HTT: variants seen among roughly 807,000 people sequenced by gnomAD.
HTT encodes huntington disease protein.
HTT carries 104 observed loss-of-function variants against 362.3 expected under a neutral mutation model. The observed-to-expected ratio is 0.29, with a 90% CI of 0.24 to 0.34. HTT has a LOEUF of 0.34. Ranked by LOEUF, HTT falls within the 10% of genes least tolerant of loss-of-function variation. The pLI is 1.00. For synonymous variants in HTT, 1,577 were observed against 1,548.7 expected, an observed-to-expected ratio of 1.02 and a Z score of -0.43; for missense variants, 3,301 against 3,928.6, an observed-to-expected ratio of 0.84 and a Z score of 4.27.
chr4:3,217,946 C>G lies in HTT; in HGVS notation c.7236C>G (p.Pro2412=), dbSNP rs766463619. 1.2e-6 allele frequency: 2 copies of G among 1,607,852 alleles called. No homozygotes were observed. The highest frequency in any genetic ancestry group is 1.7e-6 in the Non-Finnish European group (2 of 1,177,336). Residue 2412 remains proline (P), a synonymous_variant, in exon 52 of 67, where the codon CCC becomes CCG. Coordinates refer to ENST00000355072, the MANE Select transcript of HTT (RefSeq NM_001388492.1). Reference sequence around the variant, plus strand: ...TTGTCAACAGCTACACACGTGTGCCCCCACTGGTGAGTCTGCTCGTTCCTT... The same window carrying G: ...TTGTCAACAGCTACACACGTGTGCCGCCACTGGTGAGTCTGCTCGTTCCTT... The part of the protein sequence containing the change: ...LPLVNSYTRV[P]PLVWKLGWSP...
At chr4:3,205,878 GA>G (rs1719833009) in intron 42 of HTT, among the ~76,000 whole-genome samples, 2 of 152,152 alleles carry the variant, frequency 1.3e-5, no homozygotes, top group South Asian at 4.1e-4. Context: ...CTAGGATTAT[GA>G]ATCAAGATGA....
At position 3,149,577 on chromosome 4, in the gene HTT, G is replaced by C. The variant is rs994210251; in HGVS notation, c.3498+1370G>C. Among the ~76,000 whole-genome samples, 4 of 150,196 alleles carry C rather than the reference G, an allele frequency of 2.7e-5. No individual in the cohort carries two copies. In the East Asian group the frequency reaches 5.8e-4, roughly 22 times the overall value. On this transcript the variant is annotated intron_variant, in intron 26 of 66. Transcript: ENST00000355072. ...TCCGCTTCGGCCTCCCAAAGTGTTG[G>C]GATTACGGGCATGAGCCACCACGCC...
chr4:3,193,093 A>T (rs1353820278), intron 40 of HTT, among the ~76,000 whole-genome samples: 21 of 152,250 alleles, frequency 1.4e-4, no homozygotes. Context: ...CCAAGAGAGC[A>T]GCTGAGAGTA....
At chr4:3,173,940 G>C (rs901013739) in intron 31 of HTT, among the ~76,000 whole-genome samples, 1 of 151,996 alleles carries the variant, frequency 6.6e-6, no homozygotes, top group Non-Finnish European at 1.5e-5. Flanking sequence ...CAAAGTGCTG[G>C]GATTACAGGC....
At position 3,105,416 on chromosome 4, in the gene HTT, G is replaced by C. The variant is rs368339242; in HGVS notation, c.588G>C (p.Leu196=). 125 of 1,613,634 alleles carry C rather than the reference G, an allele frequency of 7.7e-5. 1 individual carries two copies. The East Asian group carries it at 2.7e-3, about 34-fold the overall frequency. Residue 196 remains leucine (L), a synonymous_variant, in exon 5 of 67, where the codon CTG becomes CTC. Transcript: ENST00000355072. ...GGAGGTTTGCTGAGCTGGCTCACCT[G>C]GTTCGGCCTCAGAAATGCAGGTAAG... ...ALWRFAELAH[L]VRPQKCRPYL...
Position 3,130,287 on chromosome 4 carries a change from A to G in HTT, c.1868-18A>G, listed in dbSNP as rs762601688. On this transcript the variant is annotated intron_variant, in intron 13 of 66. Coordinates refer to ENST00000355072, the MANE Select transcript of HTT (RefSeq NM_001388492.1). ...AGTGGAAATTTGTCACTTAATCTTGATTTCTCTGTTTTTAAAGCCCTTCAA... is the reference window on the plus strand; with the variant it reads ...AGTGGAAATTTGTCACTTAATCTTGGTTTCTCTGTTTTTAAAGCCCTTCAA... 2.1e-6 allele frequency: 3 copies of G among 1,429,024 alleles called. No homozygotes were observed. Among genetic ancestry groups the G allele is most frequent in the African/African-American group, 1.4e-5 (1 of 69,752 alleles). 88.5% of individuals were successfully genotyped at this position (1,429,024 alleles called of 1,614,324 possible). A position where few individuals can be genotyped will look rare whatever the true frequency, so the allele number is the denominator to read the frequency against.
At chr4:3,234,772 G>T (rs888152694) in intron 61 of HTT, among the ~76,000 whole-genome samples, 1 of 152,162 alleles carries the variant, frequency 6.6e-6, no homozygotes, top group Non-Finnish European at 1.5e-5. Flanking sequence ...TTTTGTGGGT[G>T]TTGGGGGGCA....
At chr4:3,094,887 C>A (rs1380135044) in intron 2 of HTT, among the ~76,000 whole-genome samples, 1 of 149,474 alleles carries the variant, frequency 6.7e-6, no homozygotes, top group South Asian at 2.1e-4. Flanking sequence ...AGTTCCCAGA[C>A]GGAGTCACGG....
intron 6 of HTT, among the ~76,000 whole-genome samples, chr4:3,113,929 G>C (rs1714892104): frequency 6.6e-6 from 1 of 152,146 alleles, no homozygotes; most frequent in South Asian, 2.1e-4. Context: ...CCCTAACCCA[G>C]CAGCGCTAGA....
chr4:3,118,587 G>A (rs1333218178), intron 8 of HTT, among the ~76,000 whole-genome samples: 1 of 152,186 alleles, frequency 6.6e-6, no homozygotes, highest in East Asian at 1.9e-4. Context: ...GCAAGGGTGG[G>A]TCCTGAAAAG....
Position 3,217,761 on chromosome 4 carries a change from T to A in HTT, c.7055-4T>A. The A allele has an allele frequency of 1.9e-6, 3 of 1,609,358 alleles. No homozygotes were observed. In the African/African-American group the frequency reaches 4.0e-5, roughly 21 times the overall value. ...AAGTCCTCTCTTAACCGTTGCTTGTTTAGATCCTAAGTATATCACTGCAGC... is the reference window on the plus strand; with the variant it reads ...AAGTCCTCTCTTAACCGTTGCTTGTATAGATCCTAAGTATATCACTGCAGC... On this transcript the variant is annotated splice_polypyrimidine_tract_variant and splice_region_variant and intron_variant, in intron 51 of 66. Transcript: ENST00000355072.
intron 64 of HTT, among the ~76,000 whole-genome samples, chr4:3,237,166 C>T (rs947863803): frequency 3.3e-5 from 5 of 151,202 alleles, no homozygotes; most frequent in Admixed American, 2.0e-4. Context: ...CTCCGCCTCC[C>T]GGGTTCAAGT....
chr4:3,117,676 G>GA (rs1316343076), intron 8 of HTT, among the ~76,000 whole-genome samples: 1 of 151,906 alleles, frequency 6.6e-6, no homozygotes, highest in Non-Finnish European at 1.5e-5. Context: ...ATGTCTTAAA[G>GA]AAAAAAATCA....
At chr4:3,179,595 G>T (rs753290397) in intron 35 of HTT, among the ~76,000 whole-genome samples, 3 of 151,350 alleles carry the variant, frequency 2.0e-5, no homozygotes, top group Non-Finnish European at 2.9e-5. Context: ...TCGCGTGTGT[G>T]TGTGTGTACG....
At chr4:3,119,552 A>G (rs1312489226) in intron 8 of HTT, among the ~76,000 whole-genome samples, 2 of 152,212 alleles carry the variant, frequency 1.3e-5, no homozygotes, top group East Asian at 3.8e-4. Flanking sequence ...TTCATAAATT[A>G]TGCAGTGAAT....
In HTT at chr4:3,209,891, G is replaced by A; in HGVS notation, c.6356G>A (p.Gly2119Asp). Reference protein sequence around the residue: ...WTRSDSALLEGAELVNRIPAE... With the variant: ...WTRSDSALLEDAELVNRIPAE... ...AGGTCAGATTCTGCACTGCTGGAAGGTGCAGAGCTGGTGAATCGGATTCCT... is the reference window on the plus strand; with the variant it reads ...AGGTCAGATTCTGCACTGCTGGAAGATGCAGAGCTGGTGAATCGGATTCCT... The change falls in exon 47 of 67, where the codon GGT becomes GAT. Residue 2119 changes from glycine (G) to aspartate (D), a missense_variant. Physicochemically the swap from Gly to Asp is moderately conservative, Grantham distance 94. Transcript: ENST00000355072. The A allele has an allele frequency of 6.2e-7, 1 of 1,614,178 alleles. No individual in the cohort carries two copies. Among genetic ancestry groups the A allele is most frequent in the South Asian group, 1.1e-5 (1 of 91,078 alleles).
chr4:3,103,859 C>G lies in HTT; in HGVS notation c.504C>G (p.Leu168=). ...LMDSNLPRLQ[L]ELYKEIKKNG... is the part of the protein sequence containing the mutation. ...ATTCTAATCTTCCAAGGTTACAGCTCGAGCTCTATAAGGAAATTAAAAAGG... is the reference window on the plus strand; with the variant it reads ...ATTCTAATCTTCCAAGGTTACAGCTGGAGCTCTATAAGGAAATTAAAAAGG... Residue 168 remains leucine, a synonymous_variant, in exon 4 of 67, where the codon CTC becomes CTG. Transcript: ENST00000355072. 1 of 1,606,268 alleles carries G rather than the reference C, an allele frequency of 6.2e-7. No homozygotes were observed. Among genetic ancestry groups the G allele is most frequent in the Non-Finnish European group, 8.5e-7 (1 of 1,174,208 alleles).
At chr4:3,194,653 C>T (rs1719163033) in intron 40 of HTT, among the ~76,000 whole-genome samples, 1 of 152,140 alleles carries the variant, frequency 6.6e-6, no homozygotes, top group African/African-American at 2.4e-5. Flanking sequence ...GAGTCCTGGT[C>T]GTGGGTGGTG....
chr4:3,125,705 C>G, intron 11 of HTT, 76 bp downstream of exon 11: 2 of 1,080,226 alleles, frequency 1.9e-6, no homozygotes, highest in Non-Finnish European at 2.9e-6. Context: ...TGCTCGTCCC[C>G]CTGCACCTGG....
Sources: allele counts gnomAD v4.1 joint callset (sites outside exome capture counted in the v4.1 genomes callset), GRCh38; gene constraint gnomAD v4.1.1; transcripts MANE v1.5; gene names NCBI Gene and HGNC (gene_info 2026-07-23, HGNC 2026-07-21).